The following NOPCHAP1 variants were observed in gnomAD, a reference collection of about 807,000 sequenced individuals.
The protein encoded by NOPCHAP1 is NOP protein chaperone 1.
NOPCHAP1 carries 13 observed loss-of-function variants against 14.0 expected under a neutral mutation model. The observed-to-expected ratio is 0.93, with a 90% confidence interval of 0.60 to 1.47. The LOEUF is 1.47. Among genes scored for constraint, NOPCHAP1 ranks in the 40% most tolerant of loss-of-function variants. The pLI, the probability that NOPCHAP1 is intolerant of heterozygous loss-of-function variation, is 0.00. For missense variants in NOPCHAP1, 230 were observed against 226.9 expected (o/e 1.01, Z -0.09); for synonymous variants, 78 against 78.4 (o/e 1.00, Z 0.03).
In NOPCHAP1 at chr12:105,006,774, C is replaced by CT. The variant is rs1050725455; in HGVS notation, c.*12088dup. The stretch of plus-strand genomic sequence containing the variant: ...TTACTAATTGATGTCTTTTGTGGCT[C>CT]TTTTTTTTTTAACTTTTAGGTTCAA... On this transcript the variant is annotated 3_prime_UTR_variant, in exon 4 of 4. Transcript: ENST00000552951. The CT allele has an allele frequency of 9.7e-4, 143 of 148,176 alleles. No homozygotes were observed. Among genetic ancestry groups the CT allele is most frequent in the African/African-American group, 3.0e-3 (121 of 40,474 alleles). The allele number at this position is 148,176 out of a possible 1,614,324, so 9.2% of individuals were successfully genotyped here.
Position 105,004,815 on chromosome 12 carries a change from A to C in NOPCHAP1, c.*10119A>C, listed in dbSNP as rs1301476419. On this transcript the variant is annotated 3_prime_UTR_variant, in exon 4 of 4. Transcript: ENST00000552951. ...CTATGTATAACTTTTGACTCCCTGA[A>C]AACTTAACTACTAATAGCCTACTAT... 6.6e-6 allele frequency: 1 copy of C among 152,190 alleles called. No homozygotes were observed. Among genetic ancestry groups the C allele is most frequent in the Non-Finnish European group, 1.5e-5 (1 of 68,030 alleles). 9.4% of individuals were successfully genotyped at this position (152,190 alleles called of 1,614,324 possible). A position where few individuals can be genotyped will look rare whatever the true frequency, so the allele number is the denominator to read the frequency against.
chr12:105,003,372 T>C lies in NOPCHAP1; in HGVS notation c.*8676T>C, dbSNP rs1873648942. ...GAGTTCTAGACTCCATGGATCCAGA[T>C]GAACTCATGATTCCCTGTCTTCTTG... On this transcript the variant is annotated 3_prime_UTR_variant, in exon 4 of 4. Coordinates refer to ENST00000552951, the MANE Select transcript of NOPCHAP1 (RefSeq NM_152318.3). 6.6e-6 allele frequency: 1 copy of C among 152,210 alleles called. No individual in the cohort carries two copies. Among genetic ancestry groups the C allele is most frequent in the African/African-American group, 2.4e-5 (1 of 41,454 alleles). 9.4% of individuals were successfully genotyped at this position (152,210 alleles called of 1,614,324 possible). A position where few individuals can be genotyped will look rare whatever the true frequency, so the allele number is the denominator to read the frequency against.
Position 105,000,209 on chromosome 12 carries a change from A to G in NOPCHAP1, c.*5513A>G, listed in dbSNP as rs117803139. 9.2e-4 allele frequency: 140 copies of G among 152,314 alleles called. No homozygotes were observed. Among genetic ancestry groups the G allele is most frequent in the Non-Finnish European group, 1.6e-3 (109 of 68,038 alleles). 9.4% of individuals were successfully genotyped at this position (152,314 alleles called of 1,614,324 possible). On this transcript the variant is annotated 3_prime_UTR_variant, in exon 4 of 4. Transcript: ENST00000552951. ...TAGGCATCACTTGGTTTGATGTTCT[A>G]TATTTGATAGTGGTTAGGTTATTAA...
chr12:104,996,133 T>C lies in NOPCHAP1; in HGVS notation c.*1437T>C, dbSNP rs1025960820. 2 of 152,044 alleles carry C rather than the reference T, an allele frequency of 1.3e-5. No individual in the cohort carries two copies. The highest frequency in any genetic ancestry group is 1.9e-4 in the East Asian group (1 of 5,176). 9.4% of individuals were successfully genotyped at this position (152,044 alleles called of 1,614,324 possible). ...GAAGGCAGGATTGAACCATGCCAAA[T>C]AGCAAGATCCTAACCAGTGGGGAGC... On this transcript the variant is annotated 3_prime_UTR_variant, in exon 4 of 4. Coordinates refer to ENST00000552951, the MANE Select transcript of NOPCHAP1 (RefSeq NM_152318.3).
At position 105,011,272 on chromosome 12, in the gene NOPCHAP1, T is replaced by G. The variant is rs2136033631; in HGVS notation, c.*16576T>G. The G allele has an allele frequency of 6.6e-6, 1 of 152,346 alleles. No individual in the cohort carries two copies. Among genetic ancestry groups the G allele is most frequent in the East Asian group, 1.9e-4 (1 of 5,190 alleles). 9.4% of individuals were successfully genotyped at this position (152,346 alleles called of 1,614,324 possible). A position where few individuals can be genotyped will look rare whatever the true frequency, so the allele number is the denominator to read the frequency against. ...TTTTGATCTTTGTTGGTTTAAAGTC[T>G]GTTTTATCGGAGACCAGGATTGCAA... On this transcript the variant is annotated 3_prime_UTR_variant, in exon 4 of 4. Coordinates refer to ENST00000552951, the MANE Select transcript of NOPCHAP1 (RefSeq NM_152318.3).
Position 105,003,323 on chromosome 12 carries a change from A to G in NOPCHAP1, c.*8627A>G, listed in dbSNP as rs763332753. The G allele has an allele frequency of 1.3e-5, 2 of 152,156 alleles. No homozygotes were observed. The highest frequency in any genetic ancestry group is 2.4e-5 in the African/African-American group (1 of 41,422). The allele number at this position is 152,156 out of a possible 1,614,324, so 9.4% of individuals were successfully genotyped here. On this transcript the variant is annotated 3_prime_UTR_variant, in exon 4 of 4. Coordinates refer to ENST00000552951, the MANE Select transcript of NOPCHAP1 (RefSeq NM_152318.3). ...CTGAGTCTGTAGTTCTTATACACGA[A>G]ATTGGCTATAGTTCCAGATGGAGGA...
At position 104,986,407 on chromosome 12, in the gene NOPCHAP1, G is replaced by A. The variant is rs117368247; in HGVS notation, c.55G>A (p.Asp19Asn). The change falls in exon 1 of 4, where the codon GAT becomes AAT. Residue 19 changes from aspartate (D) to asparagine (N), a missense_variant. Physicochemically the swap from Asp to Asn is conservative, Grantham distance 23. Coordinates refer to ENST00000552951, the MANE Select transcript of NOPCHAP1 (RefSeq NM_152318.3). ...ASPSCSSPTRDSSGVPVSKEL... is the reference protein window; with the variant it reads ...ASPSCSSPTRNSSGVPVSKEL... ...CCCGAGTTGTTCGTCGCCCACCCGG[G>A]ATTCCTCAGGAGTCCCAGTGTCCAA... The A allele has an allele frequency of 1.2e-6, 2 of 1,611,766 alleles. No homozygotes were observed. Among genetic ancestry groups the A allele is most frequent in the Non-Finnish European group, 1.7e-6 (2 of 1,179,138 alleles).
chr12:104,988,638 A>G (rs1287038510), intron 2 of NOPCHAP1, among the ~76,000 whole-genome samples: 1 of 152,186 alleles, frequency 6.6e-6, no homozygotes, highest in Non-Finnish European at 1.5e-5. Flanking sequence ...ATACAGCATA[A>G]TGGCCAGTTC....
rs1044841447 is a variant in NOPCHAP1 at position 105,000,748 on chromosome 12, T to C, written c.*6052T>C. On this transcript the variant is annotated 3_prime_UTR_variant, in exon 4 of 4. Coordinates refer to ENST00000552951, the MANE Select transcript of NOPCHAP1 (RefSeq NM_152318.3). ...AAGACCCAATCTCCATGTTCCAGAT[T>C]GTGAAATGCTTGGTTGTCCTCCATT... The C allele has an allele frequency of 6.6e-6, 1 of 152,166 alleles. No individual in the cohort carries two copies. The highest frequency in any genetic ancestry group is 1.9e-4 in the East Asian group (1 of 5,174). The allele number at this position is 152,166 out of a possible 1,614,324, so 9.4% of individuals were successfully genotyped here.
In NOPCHAP1 at chr12:104,986,356, G is replaced by A. The variant is rs1179246349; in HGVS notation, c.4G>A (p.Glu2Lys). Residue 2 changes from glutamate (E) to lysine (K), a missense_variant, in exon 1 of 4, where the codon GAG becomes AAG. Coordinates refer to ENST00000552951, the MANE Select transcript of NOPCHAP1 (RefSeq NM_152318.3). M[E>K]VHGKPKASPS... ...AGAGTGCAGGCTTGAGGGAAGCATG[G>A]AGGTCCATGGCAAGCCCAAGGCTAG... 2 of 1,608,010 alleles carry A rather than the reference G, an allele frequency of 1.2e-6. No homozygotes were observed. The highest frequency in any genetic ancestry group is 1.7e-6 in the Non-Finnish European group (2 of 1,177,324).
rs1873649559 is a variant in NOPCHAP1 at position 105,003,412 on chromosome 12, CCTT to C, written c.*8719_*8721del. The C allele has an allele frequency of 6.6e-6, 1 of 152,178 alleles. No individual in the cohort carries two copies. The highest frequency in any genetic ancestry group is 2.4e-5 in the African/African-American group (1 of 41,416). The allele number at this position is 152,178 out of a possible 1,614,324, so 9.4% of individuals were successfully genotyped here. A position where few individuals can be genotyped will look rare whatever the true frequency, so the allele number is the denominator to read the frequency against. On this transcript the variant is annotated 3_prime_UTR_variant, in exon 4 of 4. Transcript: ENST00000552951. ...CTGTCTTCTTGTGACTTATCATAGG[CCTT>C]CTACTGGACCCAGTCTCTGGACCCT...
At chr12:104,989,109 G>A (rs1873319238) in intron 2 of NOPCHAP1, among the ~76,000 whole-genome samples, 1 of 151,972 alleles carries the variant, frequency 6.6e-6, no homozygotes, top group African/African-American at 2.4e-5. Context: ...ATGTGGTATG[G>A]CCTTTTTAAT....
At chr12:104,987,855 C>T (rs1873276135) in intron 1 of NOPCHAP1, among the ~76,000 whole-genome samples, 1 of 152,176 alleles carries the variant, frequency 6.6e-6, no homozygotes, top group South Asian at 2.1e-4. Context: ...ACTGTTTCCT[C>T]CGTTCTGTCA....
At position 105,002,594 on chromosome 12, in the gene NOPCHAP1, A is replaced by G. The variant is rs181144882; in HGVS notation, c.*7898A>G. The G allele has an allele frequency of 6.6e-6, 1 of 152,222 alleles. No individual in the cohort carries two copies. Among genetic ancestry groups the G allele is most frequent in the Admixed American group, 6.5e-5 (1 of 15,282 alleles). 9.4% of individuals were successfully genotyped at this position (152,222 alleles called of 1,614,324 possible). On this transcript the variant is annotated 3_prime_UTR_variant, in exon 4 of 4. Coordinates refer to ENST00000552951, the MANE Select transcript of NOPCHAP1 (RefSeq NM_152318.3). ...AGGAATTGAATTTTAAAGGTTTTCA[A>G]CAATTTTTCTAGGTCTCATTGGCCC...
chr12:104,990,934 A>G (rs911044055), intron 2 of NOPCHAP1, among the ~76,000 whole-genome samples: 1 of 152,208 alleles, frequency 6.6e-6, no homozygotes, highest in Non-Finnish European at 1.5e-5. Context: ...CAGTGTCCTC[A>G]GAGGTCAGCC....
rs146767528 is a variant in NOPCHAP1, at chr12:104,987,132, G to C, written c.115+665G>C. Among the ~76,000 whole-genome samples, 1,279 of 152,286 alleles carry C rather than the reference G, an allele frequency of 8.4e-3. 5 individuals are homozygous for C. Among genetic ancestry groups the C allele is most frequent in the Middle Eastern group, 0.014 (4 of 294 alleles). ...TGTGAGGAGGAGAATGCCTAAAAAGGCTTGGGCATGTTGTCAGTAAATACT... is the reference window on the plus strand; with the variant it reads ...TGTGAGGAGGAGAATGCCTAAAAAGCCTTGGGCATGTTGTCAGTAAATACT... On this transcript the variant is annotated intron_variant, in intron 1 of 3. Coordinates refer to ENST00000552951, the MANE Select transcript of NOPCHAP1 (RefSeq NM_152318.3).
At chr12:104,986,578 G>A in intron 1 of NOPCHAP1, 111 bp downstream of exon 1, 4 of 857,736 alleles carry the variant, frequency 4.7e-6, no homozygotes, top group South Asian at 1.9e-5. Flanking sequence ...GTACCCTCGA[G>A]GGGAGCCCCG....
intron 1 of NOPCHAP1, 132 bp from the exon 2 acceptor site, chr12:104,988,035 C>T (rs1168713309): frequency 8.7e-6 from 5 of 576,224 alleles, no homozygotes; most frequent in South Asian, 8.0e-5. Context: ...TTGGAGTTCT[C>T]CTTTAAAAAA....
At position 105,005,029 on chromosome 12, in the gene NOPCHAP1, G is replaced by A. The variant is rs935339494; in HGVS notation, c.*10333G>A. 9.9e-5 allele frequency: 15 copies of A among 152,200 alleles called. No individual in the cohort carries two copies. Among genetic ancestry groups the A allele is most frequent in the African/African-American group, 3.4e-4 (14 of 41,438 alleles). 9.4% of individuals were successfully genotyped at this position (152,200 alleles called of 1,614,324 possible). ...CATCATTAAAGACTTCATCCTCATT[G>A]TCTTCAGGTTGAGTAGGTTGAGGAG... On this transcript the variant is annotated 3_prime_UTR_variant, in exon 4 of 4. Transcript: ENST00000552951.
Sources: allele counts gnomAD v4.1 joint callset (sites outside exome capture counted in the v4.1 genomes callset), GRCh38; gene constraint gnomAD v4.1.1; transcripts MANE v1.5; gene names NCBI Gene and HGNC (gene_info 2026-07-23, HGNC 2026-07-21).